Variants in CA5A observed in about 807,000 individuals in gnomAD.
The protein encoded by CA5A is carbonic anhydrase 5A, mitochondrial.
A neutral mutation model predicts 37.1 loss-of-function variants in CA5A; 28 were observed. The observed-to-expected ratio is 0.75, with a 90% CI of 0.56 to 1.03. The LOEUF is 1.03. CA5A is among the 50% of genes least tolerant of loss of function. The pLI is 0.00. For synonymous variants in CA5A, 171 were observed against 158.4 expected (o/e 1.08, Z -0.60); for missense variants, 444 against 399.9 (o/e 1.11, Z -0.94).
chr16:87,899,495 G>A (rs1644260338), intron 5 of CA5A, among the ~76,000 whole-genome samples: 1 of 150,246 alleles, frequency 6.7e-6, no homozygotes, highest in Admixed American at 6.6e-5. Context: ...TAGAGATGAG[G>A]TTTTATCATG....
In CA5A at chr16:87,924,783, C is replaced by T. The variant is rs77153199; in HGVS notation, c.340+1965G>A. On this transcript the variant is annotated intron_variant, in intron 2 of 6. Coordinates refer to ENST00000649794, the MANE Select transcript of CA5A (RefSeq NM_001739.2). Reference sequence around the variant, plus strand: ...GGCATGAAGGTGAGCGTGGGGGCAGCGTCCCGCTTGTTGGTCCCGCTTGGA... The same window carrying T: ...GGCATGAAGGTGAGCGTGGGGGCAGTGTCCCGCTTGTTGGTCCCGCTTGGA... 5.3e-5 allele frequency among the ~76,000 whole-genome samples: 8 copies of T among 152,342 alleles called. No individual in the cohort carries two copies. The East Asian group carries it at 1.2e-3, about 22-fold the overall frequency.
intron 4 of CA5A, 90 bp from the exon 5 acceptor site, chr16:87,902,064 C>T (rs1381887723): frequency 5.1e-6 from 6 of 1,181,556 alleles, no homozygotes; most frequent in Non-Finnish European, 5.1e-6. Flanking sequence ...GTTTTAAAAG[C>T]AATCCTAGGC....
At chr16:87,907,889 G>A (rs1393134901) in intron 2 of CA5A, among the ~76,000 whole-genome samples, 1 of 152,230 alleles carries the variant, frequency 6.6e-6, no homozygotes, top group East Asian at 1.9e-4. Flanking sequence ...TAGCGCCACT[G>A]CACTCCAGCC....
At chr16:87,885,247 G>C (rs1433432398), downstream of CA5A, 3 of 158,360 alleles carry the variant, frequency 1.9e-5, no homozygotes, top group Non-Finnish European at 4.2e-5. Context: ...TGGGAGAAGA[G>C]ATTTGTAAAA....
chr16:87,910,756 G>A (rs1175011000), intron 2 of CA5A, among the ~76,000 whole-genome samples: 1 of 151,746 alleles, frequency 6.6e-6, no homozygotes, highest in Non-Finnish European at 1.5e-5. Flanking sequence ...TTTTGTTTTT[G>A]TTTTTGTTTC....
At chr16:87,902,223 A>T (rs1190402754) in intron 4 of CA5A, among the ~76,000 whole-genome samples, 2 of 151,926 alleles carry the variant, frequency 1.3e-5, no homozygotes, top group East Asian at 3.9e-4. Context: ...GTGTGGTGGC[A>T]CACTCCTATA....
At chr16:87,935,628 C>A (rs1360121503) in intron 1 of CA5A, among the ~76,000 whole-genome samples, 1 of 152,210 alleles carries the variant, frequency 6.6e-6, no homozygotes, top group Non-Finnish European at 1.5e-5. Flanking sequence ...GTAATCCTAG[C>A]ACTTTGGGAG....
At chr16:87,926,337 G>A (rs748538003) in intron 2 of CA5A, among the ~76,000 whole-genome samples, 1 of 152,190 alleles carries the variant, frequency 6.6e-6, no homozygotes. Flanking sequence ...CAACTTCCTT[G>A]CAGGCCTCTG....
At chr16:87,924,807 G>A (rs953485660) in intron 2 of CA5A, among the ~76,000 whole-genome samples, 1 of 152,232 alleles carries the variant, frequency 6.6e-6, no homozygotes, top group Non-Finnish European at 1.5e-5. Context: ...GTCCCGCTTG[G>A]ATAACGCAGA....
intron 6 of CA5A, 151 bp downstream of exon 6, chr16:87,891,648 T>C (rs1597541297): frequency 1.4e-6 from 1 of 702,628 alleles, no homozygotes. Flanking sequence ...CCTACTTCAG[T>C]TGGAATTTTC....
chr16:87,915,525 A>AT (rs1162468866), intron 2 of CA5A, among the ~76,000 whole-genome samples: 40 of 107,126 alleles, frequency 3.7e-4, no homozygotes, highest in East Asian at 1.2e-3. Context: ...CCTGTGTCAA[A>AT]ATTTTTTTTT....
At chr16:87,924,999 C>G (rs2144060330) in intron 2 of CA5A, among the ~76,000 whole-genome samples, 1 of 152,350 alleles carries the variant, frequency 6.6e-6, no homozygotes, top group East Asian at 1.9e-4. Context: ...CTCTGTTCAT[C>G]CGTCAATTTG....
downstream of CA5A, chr16:87,885,693 T>A (rs192490589): frequency 9.2e-5 from 14 of 152,550 alleles, no homozygotes; most frequent in African/African-American, 3.4e-4. Flanking sequence ...ACCCTCGGGC[T>A]GCACCTTGAA....
At position 87,904,911 on chromosome 16, in the gene CA5A, A is replaced by G. The variant is rs757499699; in HGVS notation, c.341-7T>C. ...AAGGGCCCACCACTAATTCCTGGAA[A>G]TAAAGGCAGTGAGACGTGTGTGTCA... On this transcript the variant is annotated splice_region_variant and splice_polypyrimidine_tract_variant and intron_variant, in intron 2 of 6. Transcript: ENST00000649794. 6.4e-7 allele frequency: 1 copy of G among 1,568,104 alleles called. No homozygotes were observed.
At chr16:87,931,079 A>T (rs983856647) in intron 1 of CA5A, among the ~76,000 whole-genome samples, 1 of 149,326 alleles carries the variant, frequency 6.7e-6, no homozygotes. Flanking sequence ...ATGTTCAGGT[A>T]GGGTGTCCCA....
chr16:87,929,982 G>A (rs114157286), intron 1 of CA5A, among the ~76,000 whole-genome samples: 2 of 150,942 alleles, frequency 1.3e-5, no homozygotes, highest in Admixed American at 1.3e-4. Flanking sequence ...TTCTAAAATC[G>A]CATCTTTTCT....
At chr16:87,905,344 A>G (rs1409821218) in intron 2 of CA5A, among the ~76,000 whole-genome samples, 5 of 152,214 alleles carry the variant, frequency 3.3e-5, no homozygotes, top group Non-Finnish European at 7.3e-5. Flanking sequence ...CACAATGAGC[A>G]AAGTTTTTGT....
chr16:87,885,915 A>C (rs1187501414), downstream of CA5A: 2 of 152,188 alleles, frequency 1.3e-5, no homozygotes, highest in Non-Finnish European at 1.5e-5. Context: ...GTGAGCTCCG[A>C]GGCAAAGGCT....
chr16:87,915,445 G>C (rs1427768947), intron 2 of CA5A, among the ~76,000 whole-genome samples: 1 of 152,022 alleles, frequency 6.6e-6, no homozygotes, highest in African/African-American at 2.4e-5. Flanking sequence ...TAAGGTGAGA[G>C]GGTGGTTTGA....
Sources: allele counts gnomAD v4.1 joint callset (sites outside exome capture counted in the v4.1 genomes callset), GRCh38; gene constraint gnomAD v4.1.1; transcripts MANE v1.5; gene names NCBI Gene and HGNC (gene_info 2026-07-23, HGNC 2026-07-21).